The following SHANK1 variants were observed in gnomAD, a reference collection of about 807,000 sequenced individuals.
SHANK1 encodes the protein SH3 and multiple ankyrin repeat domains protein 1.
SHANK1 carries 35 observed loss-of-function variants against 165.6 expected under a neutral mutation model. The observed-to-expected ratio is 0.21, with a 90% CI of 0.16 to 0.28. SHANK1 has a LOEUF of 0.28. Ranked by LOEUF, SHANK1 falls within the 10% of genes least tolerant of loss-of-function variation. SHANK1 has a pLI of 1.00. For missense variants in SHANK1, 2,681 were observed against 3,036.4 expected, an observed-to-expected ratio of 0.88 and a Z score of 2.75; for synonymous variants, 1,428 against 1,384.8, an observed-to-expected ratio of 1.03 and a Z score of -0.69.
chr19:50,712,932 C>A (rs976436642), intron 6 of SHANK1, among the ~76,000 whole-genome samples: 4 of 152,086 alleles, frequency 2.6e-5, no homozygotes, highest in Non-Finnish European at 4.4e-5. Context: ...TTGGATAGCG[C>A]AGGTCTGGAG....
chr19:50,676,131 C>T (rs1985971836), intron 21 of SHANK1, among the ~76,000 whole-genome samples: 1 of 137,026 alleles, frequency 7.3e-6, no homozygotes, highest in Non-Finnish European at 1.7e-5. Context: ...GACCCTGTCT[C>T]ACCCCCAATT....
rs933529262 is a variant in SHANK1 at position 50,661,035 on chromosome 19, C to T, written c.*930G>A. The stretch of plus-strand genomic sequence containing the variant: ...AGAATAAGAAGGGAAAGTGCTTCAA[C>T]GTAAGAAAATGGAGGTAAGAGTGTG... On this transcript the variant is annotated 3_prime_UTR_variant, in exon 24 of 24. Coordinates refer to ENST00000293441, the MANE Select transcript of SHANK1 (RefSeq NM_016148.5). Among the ~76,000 whole-genome samples, 1 of 151,478 alleles carries T rather than the reference C, an allele frequency of 6.6e-6. No homozygotes were observed. Among genetic ancestry groups the T allele is most frequent in the African/African-American group, 2.4e-5 (1 of 41,156 alleles).
In SHANK1 at chr19:50,717,116, C is replaced by T. The variant is rs779853931; in HGVS notation, c.-43-154G>A. Among the ~76,000 whole-genome samples the T allele has an allele frequency of 3.6e-4, 55 of 152,148 alleles. 1 individual carries two copies. The highest frequency in any genetic ancestry group is 6.9e-4 in the Non-Finnish European group (47 of 68,010). Reference sequence around the variant, plus strand: ...GACACACCCTCGGCCTGCACGGCCTCCCCTGCCGCCTCCTCCCACGCTGGC... The same window carrying T: ...GACACACCCTCGGCCTGCACGGCCTTCCCTGCCGCCTCCTCCCACGCTGGC... On this transcript the variant is annotated intron_variant, in intron 1 of 23. Coordinates refer to ENST00000293441, the MANE Select transcript of SHANK1 (RefSeq NM_016148.5). The surrounding 1 kb of genome is among the most constrained non-coding windows in gnomAD (Gnocchi z 5.5).
intron 21 of SHANK1, among the ~76,000 whole-genome samples, chr19:50,678,158 G>A (rs1488270520): frequency 1.3e-5 from 2 of 152,186 alleles, no homozygotes; most frequent in Admixed American, 6.5e-5. Flanking sequence ...GAGAGAAAAG[G>A]TCCTTATCCT....
In SHANK1 at chr19:50,711,609, C is replaced by T. The variant is rs945553046; in HGVS notation, c.961-122G>A. The stretch of plus-strand genomic sequence containing the variant: ...CCTATCGTTCACCGCATCCACCTCC[C>T]CATCACCTTTTAGCCCCGCTTCCTG... On this transcript the variant is annotated intron_variant, in intron 7 of 23. Transcript: ENST00000293441. The T allele has an allele frequency of 1.1e-5, 8 of 738,386 alleles. 1 individual carries two copies. The highest frequency in any genetic ancestry group is 2.6e-4 in the Middle Eastern group (1 of 3,890). 45.7% of individuals were successfully genotyped at this position (738,386 alleles called of 1,614,324 possible).
intron 7 of SHANK1, 103 bp from the exon 8 acceptor site, chr19:50,711,590 G>C: frequency 1.2e-6 from 1 of 816,886 alleles, no homozygotes; most frequent in Non-Finnish European, 2.0e-6. Context: ...TCATCCTATC[G>C]TTCACCGCAT....
In SHANK1 at chr19:50,668,950, G is replaced by A. The variant is rs866733531; in HGVS notation, c.3010C>T (p.His1004Tyr). The A allele has an allele frequency of 5.1e-6, 3 of 592,976 alleles. No homozygotes were observed. The highest frequency in any genetic ancestry group is 8.3e-6 in the Non-Finnish European group (3 of 360,258). 36.7% of individuals were successfully genotyped at this position (592,976 alleles called of 1,614,324 possible). ...PPAHHHPPHH[H>Y]HHHAPPPQPH... The stretch of plus-strand genomic sequence containing the variant: ...TGAGGGGGCGGGGCGTGGTGGTGGT[G>A]GTGGTGGGGCGGGTGGTGGTGGGCC... The change falls in exon 23 of 24, where the codon CAC (histidine) becomes TAC (tyrosine). Residue 1004 changes from histidine (H) to tyrosine (Y), a missense_variant. Around this residue, in one of 10 missense-constraint regions of SHANK1, gnomAD observed 1,713 missense variants for 1,630.2 expected, o/e 1.05. Transcript: ENST00000293441.
Position 50,686,694 on chromosome 19 carries a change from TGCCGGGGCTGGG to T in SHANK1, c.2458+38_2458+49del. ...CATGGTGGGACAGGGATGCAGCGGGTGCCGGGGCTGGGGCCCGGCATCCCGAGGAGCAGGGCT... is the reference window on the plus strand; with the variant it reads ...CATGGTGGGACAGGGATGCAGCGGGTGCCCGGCATCCCGAGGAGCAGGGCT... On this transcript the variant is annotated intron_variant, in intron 20 of 23. Coordinates refer to ENST00000293441, the MANE Select transcript of SHANK1 (RefSeq NM_016148.5). The surrounding 1 kb of genome is among the most constrained non-coding windows in gnomAD (Gnocchi z 5.7). 6.5e-7 allele frequency: 1 copy of T among 1,544,772 alleles called. No homozygotes were observed. Among genetic ancestry groups the T allele is most frequent in the South Asian group, 1.1e-5 (1 of 89,000 alleles).
intron 21 of SHANK1, among the ~76,000 whole-genome samples, chr19:50,679,182 G>A (rs1207721182): frequency 4.0e-5 from 6 of 148,712 alleles, no homozygotes; most frequent in Non-Finnish European, 8.9e-5. Flanking sequence ...TGATGGGGGG[G>A]TGTCAGTGTG....
chr19:50,687,586 C>T lies in SHANK1; in HGVS notation c.2385G>A (p.Glu795=). Reference sequence around the variant, plus strand: ...TCAGCAGCCCCGCAGGCTCACCCATCTCCTCCAGCTCTGAGGTCATAGATT... The same window carrying T: ...TCAGCAGCCCCGCAGGCTCACCCATTTCCTCCAGCTCTGAGGTCATAGATT... The part of the protein sequence containing the change: ...RSKSMTSELE[E]MEYEQQPAPV... The change falls in exon 19 of 24, where the codon GAG becomes GAA. Residue 795 remains glutamate, a synonymous_variant. Transcript: ENST00000293441. 1 of 1,547,818 alleles carries T rather than the reference C, an allele frequency of 6.5e-7. No homozygotes were observed. The highest frequency in any genetic ancestry group is 8.7e-7 in the Non-Finnish European group (1 of 1,145,412).
In SHANK1 at chr19:50,667,428, G is replaced by A. The variant is rs535094321; in HGVS notation, c.4532C>T (p.Pro1511Leu). 2 of 1,524,764 alleles carry A rather than the reference G, an allele frequency of 1.3e-6. No individual in the cohort carries two copies. The highest frequency in any genetic ancestry group is 2.3e-5 in the East Asian group (1 of 42,904). 94.5% of individuals were successfully genotyped at this position (1,524,764 alleles called of 1,614,324 possible). A position where few individuals can be genotyped will look rare whatever the true frequency, so the allele number is the denominator to read the frequency against. ...CGGGACCCCCGGCCCGTCCTCCGAG[G>A]GGGGACCCCTTCCGCTCGTCACAGG... ...RAPVTSGRGP[P>L]SEDGPGVPPP... The change falls in exon 23 of 24, where the codon CCC becomes CTC. Residue 1511 changes from proline to leucine, a missense_variant. Around this residue, in one of 10 missense-constraint regions of SHANK1, gnomAD observed 1,713 missense variants for 1,630.2 expected, o/e 1.05. Coordinates refer to ENST00000293441, the MANE Select transcript of SHANK1 (RefSeq NM_016148.5). The surrounding 1 kb of genome is among the most constrained non-coding windows in gnomAD (Gnocchi z 5.7).
chr19:50,708,137 G>A (rs1238594913), intron 8 of SHANK1, among the ~76,000 whole-genome samples: 1 of 151,812 alleles, frequency 6.6e-6, no homozygotes, highest in Non-Finnish European at 1.5e-5. Flanking sequence ...AGTAGAGACA[G>A]GGTTTCACCA....
Position 50,687,656 on chromosome 19 carries a change from T to C in SHANK1, c.2315A>G (p.Gln772Arg), listed in dbSNP as rs1158340505. ...MDEAVHKKAP[Q>R]QAKRLPPPTI... is the part of the protein sequence containing the mutation. ...TGGGGGCGGCAGCCGCTTGGCCTGC[T>C]GGGGTGCTGAAAAGGTGATGAGGGG... Residue 772 changes from glutamine (Q) to arginine (R), a missense_variant, in exon 19 of 24, where the codon CAG becomes CGG. Gln to Arg is a conservative substitution (Grantham distance 43, BLOSUM62 1). Around this residue, in one of 10 missense-constraint regions of SHANK1, gnomAD observed 206 missense variants for 216.0 expected, o/e 0.95. Coordinates refer to ENST00000293441, the MANE Select transcript of SHANK1 (RefSeq NM_016148.5). The C allele has an allele frequency of 2.7e-6, 4 of 1,495,210 alleles. No homozygotes were observed. In the African/African-American group the frequency reaches 4.2e-5, roughly 16 times the overall value. 92.6% of individuals were successfully genotyped at this position (1,495,210 alleles called of 1,614,324 possible).
rs376940566 is a variant in SHANK1 at position 50,667,270 on chromosome 19, C to A, written c.4690G>T (p.Val1564Leu). The A allele has an allele frequency of 6.9e-6, 11 of 1,596,438 alleles. No homozygotes were observed. The highest frequency in any genetic ancestry group is 1.7e-5 in the Admixed American group (1 of 59,688). The part of the protein sequence containing the change: ...VDVEDGEFLF[V>L]EPLPPPLEFS... ...TCCAGAGGCGGAGGCAGCGGTTCCA[C>A]GAAAAGGAATTCGCCATCTTCCACA... The change falls in exon 23 of 24, where the codon GTG (valine) becomes TTG (leucine). Residue 1564 changes from valine (V) to leucine (L), a missense_variant. This residue lies in a region of SHANK1 where 1,713 missense variants were observed against 1,630.2 expected (regional missense o/e 1.05). Transcript: ENST00000293441. This position sits in a 1 kb window ranked among gnomAD's most constrained non-coding sequence, Gnocchi z 5.7.
At position 50,662,494 on chromosome 19, in the gene SHANK1, A is replaced by G. The variant is rs748971323; in HGVS notation, c.5957T>C (p.Val1986Ala). ...SSTSTRHLQG[V>A]EFEMRPPLLR... ...CAGAGGGGGCCGCATCTCGAACTCCACGCCCTGGAGGTGGCGGGTGGACGT... is the reference window on the plus strand; with the variant it reads ...CAGAGGGGGCCGCATCTCGAACTCCGCGCCCTGGAGGTGGCGGGTGGACGT... The change falls in exon 24 of 24, where the codon GTG becomes GCG. Residue 1986 changes from valine (V) to alanine (A), a missense_variant. By Grantham distance (64) the Val-to-Ala change is moderately conservative. Transcript: ENST00000293441. This position sits in a 1 kb window ranked among gnomAD's most constrained non-coding sequence, Gnocchi z 7.7. The G allele has an allele frequency of 6.4e-7, 1 of 1,557,888 alleles. No homozygotes were observed. The highest frequency in any genetic ancestry group is 1.2e-5 in the South Asian group (1 of 84,324).
chr19:50,713,819 G>A lies in SHANK1; in HGVS notation c.771C>T (p.Ala257=), dbSNP rs1282540974. Residue 257 remains alanine, a synonymous_variant, in exon 6 of 24, where the codon GCC becomes GCT. Transcript: ENST00000293441. The surrounding 1 kb of genome is among the most constrained non-coding windows in gnomAD (Gnocchi z 6.2). ...TCACCGTGAGTGCCAGGCAGTGTCG[G>A]GCGCATGCGGCCTTATGCAGTGCGG... ...GMTALHKAAC[A]RHCLALTALL... 1.9e-6 allele frequency: 3 copies of A among 1,613,480 alleles called. No homozygotes were observed. Among genetic ancestry groups the A allele is most frequent in the Non-Finnish European group, 2.5e-6 (3 of 1,179,992 alleles).
chr19:50,667,524 G>A lies in SHANK1; in HGVS notation c.4436C>T (p.Ser1479Phe). 2 of 1,510,528 alleles carry A rather than the reference G, an allele frequency of 1.3e-6. No individual in the cohort carries two copies. The highest frequency in any genetic ancestry group is 1.3e-5 in the South Asian group (1 of 76,674). The allele number at this position is 1,510,528 out of a possible 1,614,324, so 93.6% of individuals were successfully genotyped here. The change falls in exon 23 of 24, where the codon TCC (serine) becomes TTC (phenylalanine). Residue 1479 changes from serine to phenylalanine, a missense_variant. Physicochemically the swap from Ser to Phe is radical, Grantham distance 155. Coordinates refer to ENST00000293441, the MANE Select transcript of SHANK1 (RefSeq NM_016148.5). This position sits in a 1 kb window ranked among gnomAD's most constrained non-coding sequence, Gnocchi z 5.7. ...PHPGVSKPWR[S>F]AAPEEPERLP... is the part of the protein sequence containing the mutation. Reference sequence around the variant, plus strand: ...CCGCTCGGGTTCTTCGGGGGCTGCGGACCTCCAGGGCTTGCTTACTCCGGG... The same window carrying A: ...CCGCTCGGGTTCTTCGGGGGCTGCGAACCTCCAGGGCTTGCTTACTCCGGG...
At position 50,661,682 on chromosome 19, in the gene SHANK1, T is replaced by C. The variant is rs569597215; in HGVS notation, c.*283A>G. ...TATCCCCTCCCCCCAGAATAGGCCC[T>C]TCCCTCCTTCTCAATTCCCCTCTGT... On this transcript the variant is annotated 3_prime_UTR_variant, in exon 24 of 24. Transcript: ENST00000293441. 32 of 440,204 alleles carry C rather than the reference T, an allele frequency of 7.3e-5. No individual in the cohort carries two copies. The highest frequency in any genetic ancestry group is 6.1e-4 in the South Asian group (24 of 39,626). 27.3% of individuals were successfully genotyped at this position (440,204 alleles called of 1,614,324 possible). A position where few individuals can be genotyped will look rare whatever the true frequency, so the allele number is the denominator to read the frequency against.
intron 15 of SHANK1, 145 bp from the exon 16 acceptor site, chr19:50,689,424 C>T (rs762168812): frequency 2.7e-6 from 2 of 728,944 alleles, no homozygotes; most frequent in Non-Finnish European, 2.5e-6. Context: ...TCTCTGTCAC[C>T]CACTCTGTGT....
Sources: gnomAD v4.1 joint callset for allele counts (sites outside exome capture counted in the v4.1 genomes callset) on GRCh38, gnomAD v4.1.1 for gene constraint, gnomAD v4.1.1 regional missense constraint, Gnocchi (gnomAD v3.1) non-coding constraint, MANE v1.5 for transcripts, NCBI Gene and HGNC (gene_info 2026-07-23, HGNC 2026-07-21) for gene names.